The following DDX31 variants were observed in gnomAD, a reference collection of about 807,000 sequenced individuals.
DDX31 encodes the protein ATP-dependent DNA helicase DDX31.
A neutral mutation model predicts 91.3 loss-of-function variants in DDX31; 70 were observed. That is an observed-to-expected ratio of 0.77 (90% CI 0.63 to 0.94). The LOEUF is 0.94. Among genes scored for constraint, DDX31 ranks in the 40% least tolerant of loss-of-function variants. DDX31 has a pLI of 0.00. For missense variants in DDX31, 902 were observed against 925.0 expected, an observed-to-expected ratio of 0.98 and a Z score of 0.32; for synonymous variants, 362 against 350.6, an observed-to-expected ratio of 1.03 and a Z score of -0.36.
At chr9:132,611,792 G>C (rs1831355448) in intron 19 of DDX31, among the ~76,000 whole-genome samples, 1 of 151,884 alleles carries the variant, frequency 6.6e-6, no homozygotes, top group Non-Finnish European at 1.5e-5. Context: ...TCGTCACACA[G>C]AACACACCAG....
At position 132,643,347 on chromosome 9, in the gene DDX31, A is replaced by G. The variant is rs920504814; in HGVS notation, c.1381-1284T>C. 2.0e-5 allele frequency among the ~76,000 whole-genome samples: 3 copies of G among 152,230 alleles called. No homozygotes were observed. The East Asian group carries it at 5.8e-4, about 29-fold the overall frequency. ...GAGTTGGTCACATTCACCTGTCAGC[A>G]GCAAATACAAAGAAATAGAACCAAA... On this transcript the variant is annotated intron_variant, in intron 13 of 19. Coordinates refer to ENST00000372159, the MANE Select transcript of DDX31 (RefSeq NM_022779.9).
In DDX31 at chr9:132,658,674, T is replaced by A. The variant is rs1834739097; in HGVS notation, c.585A>T (p.Ile195=). The change falls in exon 6 of 20, where the codon ATA becomes ATT. Residue 195 remains isoleucine, a synonymous_variant. Coordinates refer to ENST00000372159, the MANE Select transcript of DDX31 (RefSeq NM_022779.9). The part of the protein sequence containing the change: ...VQSLQAMESK[I]QRSDGPYALV... ...GAAAAACACATTTGATACACACCTG[T>A]ATTTTTGACTCCATTGCTTGAAGGG... is the stretch of plus-strand genomic sequence containing the variant. 10 of 1,613,838 alleles carry A rather than the reference T, an allele frequency of 6.2e-6. No individual in the cohort carries two copies. The East Asian group carries it at 2.2e-4, about 36-fold the overall frequency.
At chr9:132,621,032 C>T (rs1019569111) in intron 17 of DDX31, among the ~76,000 whole-genome samples, 1 of 152,162 alleles carries the variant, frequency 6.6e-6, no homozygotes, top group East Asian at 1.9e-4. Flanking sequence ...TTTAAGATCT[C>T]GCAATGCCAG....
intron 19 of DDX31, among the ~76,000 whole-genome samples, chr9:132,602,729 C>T (rs1830786722): frequency 6.6e-6 from 1 of 152,206 alleles, no homozygotes; most frequent in African/African-American, 2.4e-5. Flanking sequence ...CTCTAAGTCC[C>T]AGTTTATTCA....
chr9:132,602,946 C>T (rs1021527837), intron 19 of DDX31, among the ~76,000 whole-genome samples: 27 of 152,174 alleles, frequency 1.8e-4, no homozygotes, highest in Admixed American at 1.4e-3. Flanking sequence ...AGCTTCCAGA[C>T]GGGGCAGGCG....
At chr9:132,642,088 C>A (rs781158822) in intron 13 of DDX31, 25 bp from the exon 14 acceptor site, 2 of 1,611,248 alleles carry the variant, frequency 1.2e-6, no homozygotes, top group Non-Finnish European at 1.7e-6. Flanking sequence ...AAAAATAGAG[C>A]CTTACAACTC....
At chr9:132,634,107 T>G (rs569169278) in intron 14 of DDX31, among the ~76,000 whole-genome samples, 1 of 152,218 alleles carries the variant, frequency 6.6e-6, no homozygotes, top group African/African-American at 2.4e-5. Context: ...AATACCATGA[T>G]AGAGGCTCAC....
intron 15 of DDX31, 60 bp downstream of exon 15, chr9:132,631,981 C>A: frequency 7.0e-7 from 1 of 1,438,504 alleles, no homozygotes; most frequent in Non-Finnish European, 9.6e-7. Context: ...AAAGCCAATG[C>A]ATCTACTCAT....
At chr9:132,610,577 G>C (rs1204407631) in intron 19 of DDX31, among the ~76,000 whole-genome samples, 1 of 151,978 alleles carries the variant, frequency 6.6e-6, no homozygotes, top group Non-Finnish European at 1.5e-5. Flanking sequence ...TAGCTTGTAA[G>C]AACCTTCATC....
intron 6 of DDX31, among the ~76,000 whole-genome samples, chr9:132,652,695 T>C (rs1834279147): frequency 6.6e-6 from 1 of 151,724 alleles, no homozygotes; most frequent in African/African-American, 2.4e-5. Flanking sequence ...AATTCCCACA[T>C]GTTGTAGGAG....
In DDX31 at chr9:132,658,391, A is replaced by G; in HGVS notation, c.588+280T>C. 2 of 703,010 alleles carry G rather than the reference A, an allele frequency of 2.8e-6. 1 individual carries two copies. The highest frequency in any genetic ancestry group is 3.0e-5 in the South Asian group (2 of 67,566). 43.5% of individuals were successfully genotyped at this position (703,010 alleles called of 1,614,324 possible). On this transcript the variant is annotated intron_variant, in intron 6 of 19. Coordinates refer to ENST00000372159, the MANE Select transcript of DDX31 (RefSeq NM_022779.9). ...ACAGTGGGGGAGAGAGCAGTTAAAGATTCAAGAAGGGAACACATGCAAAGT... is the reference window on the plus strand; with the variant it reads ...ACAGTGGGGGAGAGAGCAGTTAAAGGTTCAAGAAGGGAACACATGCAAAGT...
At chr9:132,614,143 A>G (rs991659064) in intron 18 of DDX31, among the ~76,000 whole-genome samples, 1 of 152,188 alleles carries the variant, frequency 6.6e-6, no homozygotes, top group South Asian at 2.1e-4. Flanking sequence ...ACAGTAATAA[A>G]AAGTGTCATT....
intron 6 of DDX31, among the ~76,000 whole-genome samples, chr9:132,655,459 G>A (rs972607793): frequency 6.6e-6 from 1 of 152,166 alleles, no homozygotes; most frequent in Non-Finnish European, 1.5e-5. Flanking sequence ...AAATTGGTAA[G>A]AGGAATTACA....
chr9:132,613,727 G>T (rs1399443661), intron 18 of DDX31, among the ~76,000 whole-genome samples: 1 of 152,128 alleles, frequency 6.6e-6, no homozygotes, highest in Non-Finnish European at 1.5e-5. Context: ...ATTCAGAAAA[G>T]GGGGTCCTTG....
intron 16 of DDX31, among the ~76,000 whole-genome samples, chr9:132,626,792 T>C (rs1001084329): frequency 3.3e-5 from 5 of 152,060 alleles, no homozygotes; most frequent in African/African-American, 1.2e-4. Context: ...CTGAAATGTG[T>C]CATCTCCCTG....
chr9:132,633,550 T>C (rs1832922076), intron 14 of DDX31, among the ~76,000 whole-genome samples: 1 of 152,132 alleles, frequency 6.6e-6, no homozygotes, highest in Non-Finnish European at 1.5e-5. Flanking sequence ...AAGATTTCTA[T>C]ATACGGATAT....
At chr9:132,642,481 A>G (rs1663398782) in intron 13 of DDX31, among the ~76,000 whole-genome samples, 1 of 152,194 alleles carries the variant, frequency 6.6e-6, no homozygotes, top group Admixed American at 6.5e-5. Context: ...AAAAGATTAG[A>G]TATTTATAAA....
chr9:132,625,787 CA>C (rs1564298502), intron 16 of DDX31, 42 bp from the exon 17 acceptor site: 1 of 1,511,764 alleles, frequency 6.6e-7, no homozygotes, highest in Admixed American at 1.7e-5. Context: ...TTTGCTCTTT[CA>C]AAAACACCCA....
Position 132,641,549 on chromosome 9 carries a change from G to T in DDX31, c.1440+455C>A, listed in dbSNP as rs73562918. ...ATCCCGGACTGCAGAGCCTGAGGCT[G>T]AGGGAGCAGGCCCTGAAATCACAGG... On this transcript the variant is annotated intron_variant, in intron 14 of 19. Coordinates refer to ENST00000372159, the MANE Select transcript of DDX31 (RefSeq NM_022779.9). Among the ~76,000 whole-genome samples, 815 of 152,336 alleles carry T rather than the reference G, an allele frequency of 5.4e-3. 11 individuals are homozygous for T. The highest frequency in any genetic ancestry group is 0.018 in the African/African-American group (763 of 41,564).
Sources: allele counts gnomAD v4.1 joint callset (sites outside exome capture counted in the v4.1 genomes callset), GRCh38; gene constraint gnomAD v4.1.1; transcripts MANE v1.5; gene names NCBI Gene and HGNC (gene_info 2026-07-23, HGNC 2026-07-21).